Variants in ABCB4 observed in about 807,000 individuals in gnomAD.
The protein encoded by ABCB4 is ATP binding cassette subfamily B member 4.
In ABCB4, 76 loss-of-function variants were observed where a neutral mutation model predicts 145.7. The ratio of observed to expected loss-of-function variants is 0.52; its 90% CI spans 0.43 to 0.63. The LOEUF is 0.63. ABCB4 is among the 30% of genes least tolerant of loss of function. The pLI is 0.00. For missense variants in ABCB4, 1,234 were observed against 1,553.1 expected (o/e 0.79, Z 3.45); for synonymous variants, 517 against 566.8 (o/e 0.91, Z 1.25).
At chr7:87,441,478 GAGC>G (rs550973559) in intron 12 of ABCB4, among the ~76,000 whole-genome samples, 153 of 152,072 alleles carry the variant, frequency 1.0e-3, no homozygotes, top group African/African-American at 3.6e-3. Flanking sequence ...TGTTCATAAT[GAGC>G]AGGGTTACCT....
At chr7:87,450,798 A>G (rs1166024344) in intron 7 of ABCB4, among the ~76,000 whole-genome samples, 1 of 152,200 alleles carries the variant, frequency 6.6e-6, no homozygotes, top group Non-Finnish European at 1.5e-5. Context: ...CTGAATAATA[A>G]GATAGCCAAA....
chr7:87,380,079 C>G, the ABCB4 span, among the ~76,000 whole-genome samples: 5 of 152,006 alleles, frequency 3.3e-5, no homozygotes, highest in African/African-American at 1.2e-4. Context: ...CCACTGCACT[C>G]CCACCCAGGC....
chr7:87,370,373 A>C, the ABCB4 span, among the ~76,000 whole-genome samples: 2 of 152,016 alleles, frequency 1.3e-5, no homozygotes, highest in African/African-American at 4.8e-5. Context: ...AGTAGGGATG[A>C]GGTTTTGCCG....
chr7:87,423,563 C>T (rs535541122), intron 17 of ABCB4: 76 of 362,510 alleles, frequency 2.1e-4, no homozygotes, highest in Middle Eastern at 9.7e-4. Flanking sequence ...CCCCTCCCTG[C>T]TCCACTCTCT....
chr7:87,380,367 C>A, the ABCB4 span, among the ~76,000 whole-genome samples: 1 of 152,240 alleles, frequency 6.6e-6, no homozygotes, highest in Admixed American at 6.5e-5. Context: ...ACAATAGTTA[C>A]TAATTATTGC....
chr7:87,403,072 T>C, intron 27 of ABCB4, 63 bp downstream of exon 27: 1 of 1,570,246 alleles, frequency 6.4e-7, no homozygotes, highest in Non-Finnish European at 8.8e-7. Flanking sequence ...TTTTCATGGT[T>C]GACAGCAAAA....
chr7:87,475,217 C>A (rs1210748213), intron 2 of ABCB4, among the ~76,000 whole-genome samples, 169 bp downstream of exon 2: 1 of 152,224 alleles, frequency 6.6e-6, no homozygotes, highest in East Asian at 1.9e-4. Context: ...TTTGAGGCCA[C>A]ACAACACGTT....
intron 16 of ABCB4, among the ~76,000 whole-genome samples, chr7:87,425,046 T>A (rs190792675): frequency 1.3e-4 from 20 of 152,168 alleles, no homozygotes; most frequent in Admixed American, 1.1e-3. Context: ...CAGGGTTTTT[T>A]TTTTTCCTCC....
chr7:87,467,850 G>C (rs1813040010), intron 3 of ABCB4, among the ~76,000 whole-genome samples: 1 of 152,148 alleles, frequency 6.6e-6, no homozygotes, highest in Non-Finnish European at 1.5e-5. Flanking sequence ...AAACCAATGA[G>C]AACAAAGACA....
At chr7:87,430,383 C>T (rs31672) in intron 15 of ABCB4, among the ~76,000 whole-genome samples, 103,262 of 152,050 alleles carry the variant, frequency 0.68, 37,117 homozygotes, top group Non-Finnish European at 0.79. Context: ...CAAATAGAAT[C>T]GTTCATAGAA....
chr7:87,428,916 T>TA (rs1315363760), intron 15 of ABCB4, among the ~76,000 whole-genome samples: 3 of 152,104 alleles, frequency 2.0e-5, no homozygotes, highest in South Asian at 2.1e-4. Flanking sequence ...TTGGATTTTT[T>TA]AAAAAAATGC....
chr7:87,387,041 GGCGGGGT>G, the ABCB4 span, among the ~76,000 whole-genome samples: 1 of 151,936 alleles, frequency 6.6e-6, no homozygotes, highest in Non-Finnish European at 1.5e-5. Context: ...GCAGCTTGAG[GGCGGGGT>G]GTTGTGGATA....
At chr7:87,382,080 G>A in the ABCB4 span, 16 of 1,610,216 alleles carry the variant, frequency 9.9e-6, no homozygotes, top group South Asian at 1.6e-4. Flanking sequence ...TCAGGGTTCA[G>A]AGAAGGTACG....
rs772677910 is a variant in ABCB4, at chr7:87,406,258, T to C, written c.3486+30A>G. ...ATTGTTTGGGGGATAAAAAGTAGTC[T>C]CTTCTGATTTCAGCTACTCTTTAAC... On this transcript the variant is annotated intron_variant, in intron 26 of 27. Transcript: ENST00000649586. The C allele has an allele frequency of 4.4e-5, 70 of 1,602,688 alleles. No individual in the cohort carries two copies. The Admixed American group carries it at 4.5e-4, about 10-fold the overall frequency.
chr7:87,473,632 G>A (rs993761472), intron 2 of ABCB4, among the ~76,000 whole-genome samples: 10 of 151,960 alleles, frequency 6.6e-5, no homozygotes, highest in African/African-American at 1.9e-4. Context: ...TTTCCATGGC[G>A]TTAATTACCT....
At position 87,408,271 on chromosome 7, in the gene ABCB4, C is replaced by T. The variant is rs770859693; in HGVS notation, c.3082-37G>A. 16 of 1,576,026 alleles carry T rather than the reference C, an allele frequency of 1.0e-5. No homozygotes were observed. The South Asian group carries it at 1.7e-4, about 16-fold the overall frequency. On this transcript the variant is annotated intron_variant, in intron 24 of 27. Transcript: ENST00000649586. ...TTTAAATGTTGCTATTATAATTGGC[C>T]TGATAATTATTGGAATAAGAAATAT...
intron 12 of ABCB4, 150 bp downstream of exon 12, chr7:87,443,169 G>C (rs914591103): frequency 3.3e-5 from 32 of 957,458 alleles, no homozygotes; most frequent in Non-Finnish European, 4.5e-5. Context: ...CCAGCCCAAG[G>C]GTGTGAAGGC....
At chr7:87,368,031 T>C in the ABCB4 span, among the ~76,000 whole-genome samples, 2 of 152,196 alleles carry the variant, frequency 1.3e-5, no homozygotes, top group Non-Finnish European at 1.5e-5. Context: ...GGAAACCACT[T>C]TCTGAGGCCA....
At chr7:87,462,965 T>C in intron 3 of ABCB4, 57 bp from the exon 4 acceptor site, 2 of 1,472,960 alleles carry the variant, frequency 1.4e-6, no homozygotes, top group Non-Finnish European at 9.4e-7. Context: ...TCCTCTTCCA[T>C]AATTATATAT....
Sources: allele counts gnomAD v4.1 joint callset (sites outside exome capture counted in the v4.1 genomes callset), GRCh38; gene constraint gnomAD v4.1.1; transcripts MANE v1.5; gene names NCBI Gene and HGNC (gene_info 2026-07-23, HGNC 2026-07-21).